The following TFAP2A variants were observed in gnomAD, a reference collection of about 807,000 sequenced individuals.
TFAP2A encodes transcription factor AP-2-alpha.
A neutral mutation model predicts 41.5 loss-of-function variants in TFAP2A; 7 were observed. The ratio of observed to expected loss-of-function variants is 0.17; its 90% confidence interval spans 0.10 to 0.32. TFAP2A has a LOEUF of 0.32. TFAP2A is among the 10% of genes least tolerant of loss of function. The probability of loss-of-function intolerance (pLI) is 1.00; values close to 1 mark genes in which losing one functional copy is unlikely to be tolerated. For missense variants in TFAP2A, 416 were observed against 563.3 expected, an observed-to-expected ratio of 0.74 and a Z score of 2.65; for synonymous variants, 247 against 242.8, an observed-to-expected ratio of 1.02 and a Z score of -0.16.
chr6:10,409,967 G>A lies in TFAP2A; in HGVS notation c.420C>T (p.His140=), dbSNP rs778686750. ...GGTCTCCGAGTCCTGAGCTGAGCGC[G>A]TGTGGGCCGTGCAGGAGGTCCTCGT... The part of the protein sequence containing the change: ...RRHEDLLHGP[H]ALSSGLGDLS... Residue 140 remains histidine, a synonymous_variant, in exon 2 of 7, where the codon CAC becomes CAT. Coordinates refer to ENST00000379613, the MANE Select transcript of TFAP2A (RefSeq NM_001372066.1). 1.3e-6 allele frequency: 2 copies of A among 1,582,170 alleles called. No individual in the cohort carries two copies. The highest frequency in any genetic ancestry group is 1.8e-5 in the Admixed American group (1 of 54,242).
chr6:10,411,000 T>C (rs1422291888), intron 1 of TFAP2A: 1 of 158,344 alleles, frequency 6.3e-6, no homozygotes, highest in Non-Finnish European at 1.4e-5. Context: ...ATAGAAAGAT[T>C]CAGCCTTATT....
At chr6:10,399,683 T>TGCTTCCATGCCCTCC (rs1761931591) in intron 6 of TFAP2A, among the ~76,000 whole-genome samples, 1 of 152,242 alleles carries the variant, frequency 6.6e-6, no homozygotes, top group Non-Finnish European at 1.5e-5. Context: ...TTCTGCCCTC[T>TGCTTCCATGCCCTCC]GCTTCCATGC....
upstream of TFAP2A, chr6:10,419,365 C>A: frequency 6.4e-7 from 1 of 1,572,888 alleles, no homozygotes; most frequent in Non-Finnish European, 8.8e-7. Context: ...CCGGCCCCCT[C>A]CCCTACTCCA....
intron 5 of TFAP2A, 162 bp from the exon 6 acceptor site, chr6:10,400,751 G>A (rs1486001222): frequency 1.2e-6 from 1 of 829,506 alleles, no homozygotes; most frequent in Non-Finnish European, 2.0e-6. Context: ...TTCTCTGTAG[G>A]ATCTGGTGGA....
chr6:10,409,463 C>T (rs1386051179), intron 2 of TFAP2A: 2 of 198,296 alleles, frequency 1.0e-5, no homozygotes, highest in Non-Finnish European at 2.1e-5. Flanking sequence ...CTTAGTGTGT[C>T]TTTTACACTT....
intron 2 of TFAP2A, 73 bp downstream of exon 2, chr6:10,409,828 T>C: frequency 1.3e-6 from 2 of 1,508,748 alleles, no homozygotes; most frequent in Non-Finnish European, 1.8e-6. Context: ...CGACTGTATG[T>C]TCCAGGTATC....
chr6:10,411,035 C>A (rs1757938735), intron 1 of TFAP2A: 1 of 165,584 alleles, frequency 6.0e-6, no homozygotes, highest in Non-Finnish European at 1.3e-5. Flanking sequence ...GAGGTGCACC[C>A]CGGGGCTGTG....
chr6:10,412,708 C>A, intron 1 of TFAP2A: 1 of 325,340 alleles, frequency 3.1e-6, no homozygotes, highest in Admixed American at 3.9e-5. Flanking sequence ...CCCTGTCTGG[C>A]CGCGGGCTCC....
At chr6:10,419,375 A>C (rs1173990989), upstream of TFAP2A, 28 of 1,437,180 alleles carry the variant, frequency 1.9e-5, no homozygotes, top group Middle Eastern at 1.9e-4. Flanking sequence ...CCCCTACTCC[A>C]CCCCTGCCCA....
At position 10,406,774 on chromosome 6, in the gene TFAP2A, G is replaced by T. The variant is rs1196221389; in HGVS notation, c.538+19C>A. The T allele has an allele frequency of 6.2e-7, 1 of 1,604,276 alleles. No individual in the cohort carries two copies. Among genetic ancestry groups the T allele is most frequent in the Admixed American group, 1.7e-5 (1 of 60,018 alleles). ...CTGCCTGTAAGGACATGCTTGGAAT[G>T]CAGAAGGAAATGGCTTACCTTTCTT... is the stretch of plus-strand genomic sequence containing the variant. On this transcript the variant is annotated intron_variant, in intron 3 of 6. Transcript: ENST00000379613.
intron 5 of TFAP2A, chr6:10,402,245 T>G: frequency 3.4e-6 from 2 of 586,576 alleles, no homozygotes; most frequent in Non-Finnish European, 6.6e-6. Flanking sequence ...TGTGCGTTGT[T>G]TAGCTCAGAA....
chr6:10,402,719 A>G (rs1321353038), intron 4 of TFAP2A, 109 bp from the exon 5 acceptor site: 2 of 857,900 alleles, frequency 2.3e-6, no homozygotes, highest in African/African-American at 1.7e-5. Flanking sequence ...AAAACTGAGA[A>G]GCTTGGCCCC....
intron 1 of TFAP2A, 87 bp downstream of exon 1, chr6:10,414,854 A>T (rs1482366788): frequency 6.3e-7 from 1 of 1,575,948 alleles, no homozygotes; most frequent in African/African-American, 1.3e-5. Flanking sequence ...CGCGTTTCGC[A>T]GCTGGTTGCA....
At chr6:10,400,426 C>A (rs1373667818) in intron 6 of TFAP2A, 22 bp downstream of exon 6, 1 of 1,614,128 alleles carries the variant, frequency 6.2e-7, no homozygotes, top group East Asian at 2.2e-5. Flanking sequence ...ACACAGAGAC[C>A]CCATAGAGGT....
rs201813815 is a variant in TFAP2A, at chr6:10,411,548, C to T, written c.52-1213G>A. ...AATCCAATTCCTAAAGAAACAGCAA[C>T]GGGGGTGGGGATGGGACTCACCATG... is the stretch of plus-strand genomic sequence containing the variant. On this transcript the variant is annotated intron_variant, in intron 1 of 6. Coordinates refer to ENST00000379613, the MANE Select transcript of TFAP2A (RefSeq NM_001372066.1). The T allele has an allele frequency of 1.4e-5, 22 of 1,610,784 alleles. No homozygotes were observed. In the East Asian group the frequency reaches 4.0e-4, roughly 29 times the overall value.
intron 4 of TFAP2A, 25 bp downstream of exon 4, chr6:10,404,474 GGGGCGGGGC>G: frequency 6.9e-7 from 1 of 1,440,362 alleles, no homozygotes; most frequent in Non-Finnish European, 9.2e-7. Context: ...CCCCGGCCGC[GGGGCGGGGC>G]GGGCGGGGCC....
At chr6:10,414,094 G>C (rs1211376573) in intron 1 of TFAP2A, among the ~76,000 whole-genome samples, 1 of 152,238 alleles carries the variant, frequency 6.6e-6, no homozygotes, top group Non-Finnish European at 1.5e-5. Context: ...AAAGCGGCGC[G>C]CTCTGTCGGC....
chr6:10,412,398 G>C (rs552014062), intron 1 of TFAP2A: 14 of 561,562 alleles, frequency 2.5e-5, no homozygotes, highest in Non-Finnish European at 3.2e-5. Flanking sequence ...GTGTGGGCGA[G>C]GGAGAGGAGC....
chr6:10,402,191 C>T (rs940345696), intron 5 of TFAP2A: 1 of 433,818 alleles, frequency 2.3e-6, no homozygotes, highest in South Asian at 1.8e-5. Context: ...TACTGCTGAG[C>T]CCTTTAAAGG....
Sources: allele counts gnomAD v4.1 joint callset (sites outside exome capture counted in the v4.1 genomes callset), GRCh38; gene constraint gnomAD v4.1.1; transcripts MANE v1.5; gene names NCBI Gene and HGNC (gene_info 2026-07-23, HGNC 2026-07-21).